PRSS22: variants seen among roughly 807,000 people sequenced by gnomAD.
The protein encoded by PRSS22 is serine protease 22.
Under a neutral mutation model 28.0 loss-of-function variants are expected in PRSS22, and 26 were observed. That is an observed-to-expected ratio of 0.93 (90% CI 0.68 to 1.29). The LOEUF is 1.29. Among genes scored for constraint, PRSS22 ranks in the 50% most tolerant of loss-of-function variants. The pLI is 0.00. For missense variants in PRSS22, 444 were observed against 422.1 expected (o/e 1.05, Z -0.46); for synonymous variants, 217 against 177.9 (o/e 1.22, Z -1.75).
chr16:2,853,775 A>G lies in PRSS22; in HGVS notation c.717+90T>C. On this transcript the variant is annotated intron_variant, in intron 5 of 5. Coordinates refer to ENST00000161006, the MANE Select transcript of PRSS22 (RefSeq NM_022119.4). The surrounding 1 kb of genome is among the most constrained non-coding windows in gnomAD (Gnocchi z 4.6). ...GCCAGTTCTGGGGAGGAGGCCAGGG[A>G]GAGGTTGTGGGGCTCAGTGGGGACA... The G allele has an allele frequency of 1.4e-6, 2 of 1,443,370 alleles. No homozygotes were observed. Among genetic ancestry groups the G allele is most frequent in the East Asian group, 4.6e-5 (2 of 43,202 alleles). The allele number at this position is 1,443,370 out of a possible 1,614,324, so 89.4% of individuals were successfully genotyped here. A position where few individuals can be genotyped will look rare whatever the true frequency, so the allele number is the denominator to read the frequency against.
At chr16:2,857,536 G>A (rs2069473262) in intron 1 of PRSS22, 2 of 180,544 alleles carry the variant, frequency 1.1e-5, no homozygotes, top group Non-Finnish European at 2.3e-5. Context: ...CCTGGGGCCT[G>A]GCCAGGCCCT....
rs1177779912 is a variant in PRSS22, at chr16:2,855,781, A to G, written c.352T>C (p.Ser118Pro). 4.3e-6 allele frequency: 7 copies of G among 1,613,904 alleles called. No individual in the cohort carries two copies. The African/African-American group carries it at 9.3e-5, about 22-fold the overall frequency. Residue 118 changes from serine to proline, a missense_variant, in exon 4 of 6, where the codon TCC (serine) becomes CCC (proline). By Grantham distance (74) the Ser-to-Pro change is moderately conservative. Coordinates refer to ENST00000161006, the MANE Select transcript of PRSS22 (RefSeq NM_022119.4). ...AWQLGNPGSRSQKVGVAWVEP... is the reference protein window; with the variant it reads ...AWQLGNPGSRPQKVGVAWVEP... The stretch of plus-strand genomic sequence containing the variant: ...ACCCAGGCAACACCCACCTTCTGGG[A>G]CCGAGAGCCAGGGTTCCCCAGCTGC...
At chr16:2,854,914 A>T (rs1298418990) in intron 4 of PRSS22, among the ~76,000 whole-genome samples, 1 of 151,866 alleles carries the variant, frequency 6.6e-6, no homozygotes, top group African/African-American at 2.4e-5. Context: ...GCCTGTTCCC[A>T]CTCTGGAATC....
chr16:2,855,347 C>CAAAAAAAAAAAAAAAAAAAAAAAAAAAA (rs33950878), intron 4 of PRSS22, among the ~76,000 whole-genome samples: 3 of 69,044 alleles, frequency 4.3e-5, no homozygotes, highest in Non-Finnish European at 5.2e-5. Context: ...CACCCTGTCT[C>CAAAAAAAAAAAAAAAAAAAAAAAAAAAA]AAAAAAAAAA....
At position 2,855,769 on chromosome 16, in the gene PRSS22, C is replaced by A. The variant is rs1360473979; in HGVS notation, c.364G>T (p.Gly122Cys). The A allele has an allele frequency of 1.9e-6, 3 of 1,614,124 alleles. No individual in the cohort carries two copies. The Admixed American group carries it at 5.0e-5, about 27-fold the overall frequency. The change falls in exon 4 of 6, where the codon GGT becomes TGT. Residue 122 changes from glycine to cysteine, a missense_variant. Physicochemically the swap from Gly to Cys is radical, Grantham distance 159. Coordinates refer to ENST00000161006, the MANE Select transcript of PRSS22 (RefSeq NM_022119.4). Reference protein sequence around the residue: ...GNPGSRSQKVGVAWVEPHPVY... With the variant: ...GNPGSRSQKVCVAWVEPHPVY... Reference sequence around the variant, plus strand: ...GGGTGGGGCTCCACCCAGGCAACACCCACCTTCTGGGACCGAGAGCCAGGG... The same window carrying A: ...GGGTGGGGCTCCACCCAGGCAACACACACCTTCTGGGACCGAGAGCCAGGG...
Position 2,854,277 on chromosome 16 carries a change from G to A in PRSS22, c.560-255C>T. On this transcript the variant is annotated intron_variant, in intron 4 of 5. Coordinates refer to ENST00000161006, the MANE Select transcript of PRSS22 (RefSeq NM_022119.4). ...ATAAATTTTCTTATATCCACAGATG[G>A]TTAGAGCCCTTCCTGTCTCAGATAC... The A allele has an allele frequency of 6.6e-6, 3 of 454,656 alleles. No individual in the cohort carries two copies. The South Asian group carries it at 9.0e-5, about 14-fold the overall frequency. 28.2% of individuals were successfully genotyped at this position (454,656 alleles called of 1,614,324 possible). A position where few individuals can be genotyped will look rare whatever the true frequency, so the allele number is the denominator to read the frequency against.
chr16:2,857,799 G>GT, intron 1 of PRSS22: 1 of 384,786 alleles, frequency 2.6e-6, no homozygotes, highest in South Asian at 1.4e-4. Flanking sequence ...GACGCCGACG[G>GT]TAACTGGAGA....
rs1422598516 is a variant in PRSS22 at position 2,853,373 on chromosome 16, G to A, written c.718-44C>T. On this transcript the variant is annotated intron_variant, in intron 5 of 5. Transcript: ENST00000161006. This position sits in a 1 kb window ranked among gnomAD's most constrained non-coding sequence, Gnocchi z 4.6. ...GTTAGGAACCCCCGTGGCACAGGGG[G>A]TGGCAGAATCCAGGGCCCGTGCCCT... The A allele has an allele frequency of 3.3e-6, 5 of 1,515,428 alleles. No homozygotes were observed. The highest frequency in any genetic ancestry group is 2.3e-5 in the East Asian group (1 of 43,596). The allele number at this position is 1,515,428 out of a possible 1,614,324, so 93.9% of individuals were successfully genotyped here.
At position 2,853,312 on chromosome 16, in the gene PRSS22, G is replaced by A. The variant is rs2069424289; in HGVS notation, c.735C>T (p.Pro245=). 6.3e-7 allele frequency: 1 copy of A among 1,597,366 alleles called. No individual in the cohort carries two copies. ...RDACLGDSGG[P]LMCQVDGAWL... The stretch of plus-strand genomic sequence containing the variant: ...AGGCGCCGTCCACCTGGCACATGAG[G>A]GGGCCCCCGGAGTCGCCCTGCAGAG... The change falls in exon 6 of 6, where the codon CCC becomes CCT. Residue 245 remains proline (P), a synonymous_variant. Coordinates refer to ENST00000161006, the MANE Select transcript of PRSS22 (RefSeq NM_022119.4). The surrounding 1 kb of genome is among the most constrained non-coding windows in gnomAD (Gnocchi z 4.6).
In PRSS22 at chr16:2,853,206, G is replaced by A. The variant is rs1391130652; in HGVS notation, c.841C>T (p.His281Tyr). 6.2e-7 allele frequency: 1 copy of A among 1,600,458 alleles called. No homozygotes were observed. Among genetic ancestry groups the A allele is most frequent in the African/African-American group, 1.3e-5 (1 of 75,014 alleles). ...RPGVYISLSA[H>Y]RSWVEKIVQG... Reference sequence around the variant, plus strand: ...ACGATCTTCTCCACCCAGGAGCGGTGCGCAGAGAGGCTGATGTAGACCCCG... The same window carrying A: ...ACGATCTTCTCCACCCAGGAGCGGTACGCAGAGAGGCTGATGTAGACCCCG... The change falls in exon 6 of 6, where the codon CAC (histidine) becomes TAC (tyrosine). Residue 281 changes from histidine to tyrosine, a missense_variant. By Grantham distance (83) the His-to-Tyr change is moderately conservative (BLOSUM62 2). Coordinates refer to ENST00000161006, the MANE Select transcript of PRSS22 (RefSeq NM_022119.4). This position sits in a 1 kb window ranked among gnomAD's most constrained non-coding sequence, Gnocchi z 4.6.
Position 2,853,368 on chromosome 16 carries a change from AG to A in PRSS22, c.718-40del. 23 of 1,514,354 alleles carry A rather than the reference AG, an allele frequency of 1.5e-5. No individual in the cohort carries two copies. The highest frequency in any genetic ancestry group is 2.1e-5 in the Non-Finnish European group (23 of 1,115,970). 93.8% of individuals were successfully genotyped at this position (1,514,354 alleles called of 1,614,324 possible). On this transcript the variant is annotated intron_variant, in intron 5 of 5. Transcript: ENST00000161006. This position sits in a 1 kb window ranked among gnomAD's most constrained non-coding sequence, Gnocchi z 4.6. ...GCGAGGTTAGGAACCCCCGTGGCAC[AG>A]GGGGTGGCAGAATCCAGGGCCCGTG... is the stretch of plus-strand genomic sequence containing the variant.
intron 1 of PRSS22, 77 bp downstream of exon 1, chr16:2,857,946 G>A: frequency 9.0e-7 from 1 of 1,109,240 alleles, no homozygotes. Context: ...AAGGCCAGGA[G>A]GGAGAGAGGG....
chr16:2,856,944 C>A, intron 1 of PRSS22, 96 bp from the exon 2 acceptor site: 2 of 1,403,144 alleles, frequency 1.4e-6, no homozygotes, highest in Non-Finnish European at 2.0e-6. Context: ...CCCCCAACAC[C>A]CAGTAAGAAG....
At position 2,856,144 on chromosome 16, in the gene PRSS22, G is replaced by A. The variant is rs2069453821; in HGVS notation, c.219C>T (p.His73=). 1 of 1,613,944 alleles carries A rather than the reference G, an allele frequency of 6.2e-7. No individual in the cohort carries two copies. Among genetic ancestry groups the A allele is most frequent in the Non-Finnish European group, 8.5e-7 (1 of 1,179,974 alleles). The part of the protein sequence containing the change: ...WIVSIQKNGT[H]HCAGSLLTSR... ...TGGTGAGCAGAGAACCTGCGCAGTGGTGGGTCCCATTCTTCTGGATGCTCA... is the reference window on the plus strand; with the variant it reads ...TGGTGAGCAGAGAACCTGCGCAGTGATGGGTCCCATTCTTCTGGATGCTCA... Residue 73 remains histidine (H), a synonymous_variant, in exon 3 of 6, where the codon CAC becomes CAT. Transcript: ENST00000161006.
chr16:2,858,060 G>C lies in PRSS22; in HGVS notation c.45C>G (p.Leu15=). ...GAPPALGGGC[L]GTFTSLLLLA... ...GCAGCAGCAGGGAGGTGAAGGTGCC[G>C]AGACAGCCCCCACCCAGGGCTGGGG... is the stretch of plus-strand genomic sequence containing the variant. The change falls in exon 1 of 6, where the codon CTC becomes CTG. Residue 15 remains leucine, a synonymous_variant. Coordinates refer to ENST00000161006, the MANE Select transcript of PRSS22 (RefSeq NM_022119.4). 1 of 1,278,142 alleles carries C rather than the reference G, an allele frequency of 7.8e-7. No homozygotes were observed. The highest frequency in any genetic ancestry group is 1.0e-6 in the Non-Finnish European group (1 of 1,003,878). 79.2% of individuals were successfully genotyped at this position (1,278,142 alleles called of 1,614,324 possible).
rs754532142 is a variant in PRSS22 at position 2,856,164 on chromosome 16, T to A, written c.199A>T (p.Ile67Phe). 31 of 1,613,922 alleles carry A rather than the reference T, an allele frequency of 1.9e-5. 1 individual carries two copies. In the South Asian group the frequency reaches 3.4e-4, roughly 18 times the overall value. ...TDSEWPWIVS[I>F]QKNGTHHCAG... The stretch of plus-strand genomic sequence containing the variant: ...CAGTGGTGGGTCCCATTCTTCTGGA[T>A]GCTCACGATCCAGGGCCACTCGCTG... The change falls in exon 3 of 6, where the codon ATC (isoleucine) becomes TTC (phenylalanine). Residue 67 changes from isoleucine (I) to phenylalanine (F), a missense_variant. By Grantham distance (21) the Ile-to-Phe change is conservative. Transcript: ENST00000161006.
chr16:2,857,037 C>A (rs1462896160), intron 1 of PRSS22, 189 bp from the exon 2 acceptor site: 1 of 654,742 alleles, frequency 1.5e-6, no homozygotes, highest in Admixed American at 2.5e-5. Context: ...GGTCCCAGCA[C>A]CCCCTGAGGA....
chr16:2,856,618 G>A (rs1190021814), intron 2 of PRSS22, among the ~76,000 whole-genome samples: 1 of 151,386 alleles, frequency 6.6e-6, no homozygotes, highest in Non-Finnish European at 1.5e-5. Context: ...CACCTTCCTG[G>A]CTCTCTCTCT....
At chr16:2,855,207 G>T (rs1362043864) in intron 4 of PRSS22, among the ~76,000 whole-genome samples, 1 of 151,858 alleles carries the variant, frequency 6.6e-6, no homozygotes, top group Non-Finnish European at 1.5e-5. Context: ...AATTAGCCAG[G>T]TGTGGTAGCA....
Sources: allele counts gnomAD v4.1 joint callset (sites outside exome capture counted in the v4.1 genomes callset), GRCh38; gene constraint gnomAD v4.1.1; non-coding constraint Gnocchi (gnomAD v3.1); transcripts MANE v1.5; gene names NCBI Gene and HGNC (gene_info 2026-07-23, HGNC 2026-07-21).